Variants in PIEZO2 observed in about 807,000 individuals in gnomAD.
PIEZO2 encodes the protein piezo-type mechanosensitive ion channel component 2.
In PIEZO2, 172 loss-of-function variants were observed where a neutral mutation model predicts 337.3. The ratio of observed to expected loss-of-function variants is 0.51; its 90% CI spans 0.45 to 0.58. The LOEUF is 0.58. Among genes scored for constraint, PIEZO2 ranks in the 20% least tolerant of loss-of-function variants. The pLI is 0.00. For missense variants in PIEZO2, 3,028 were observed against 3,391.3 expected, an observed-to-expected ratio of 0.89 and a Z score of 2.66; for synonymous variants, 1,251 against 1,228.5, an observed-to-expected ratio of 1.02 and a Z score of -0.38.
At position 10,776,585 on chromosome 18, in the gene PIEZO2, AG is replaced by A. The variant is rs1169229235; in HGVS notation, c.2535-2548del. Among the ~76,000 whole-genome samples the A allele has an allele frequency of 9.2e-5, 14 of 152,070 alleles. 1 individual carries two copies. The highest frequency in any genetic ancestry group is 8.3e-4 in the South Asian group (4 of 4,808). ...TAGAAGGCCATTCAGAAGAAAAAAAAGGAGCAAACATTTCTTCATCGGGAAT... is the reference window on the plus strand; with the variant it reads ...TAGAAGGCCATTCAGAAGAAAAAAAAGAGCAAACATTTCTTCATCGGGAAT... On this transcript the variant is annotated intron_variant, in intron 18 of 55. Transcript: ENST00000674853.
In PIEZO2 at chr18:10,847,580, G is replaced by A. The variant is rs190071506; in HGVS notation, c.917+7773C>T. ...GGACACCTCATTGCCCTGGGATCCC[G>A]GTCCCCACTACACCCACGTAGGCCC... On this transcript the variant is annotated intron_variant, in intron 7 of 55. Coordinates refer to ENST00000674853, the MANE Select transcript of PIEZO2 (RefSeq NM_001378183.1). This position sits in a 1 kb window ranked among gnomAD's most constrained non-coding sequence, Gnocchi z 5.7. Among the ~76,000 whole-genome samples, 193 of 152,206 alleles carry A rather than the reference G, an allele frequency of 1.3e-3. No homozygotes were observed. The Middle Eastern group carries it at 0.017, about 14-fold the overall frequency.
At chr18:11,043,543 GGA>G (rs1484119296) in intron 2 of PIEZO2, among the ~76,000 whole-genome samples, 1 of 152,022 alleles carries the variant, frequency 6.6e-6, no homozygotes, top group East Asian at 1.9e-4. Context: ...TTTCTCTGTA[GGA>G]GAGAGAGAGG....
chr18:10,920,969 C>T (rs1201960382), intron 3 of PIEZO2, among the ~76,000 whole-genome samples: 3 of 152,120 alleles, frequency 2.0e-5, no homozygotes, highest in Non-Finnish European at 4.4e-5. Context: ...AGGAGACTCG[C>T]TTGAACCTGG....
chr18:11,056,738 G>A (rs1268166473), intron 2 of PIEZO2, among the ~76,000 whole-genome samples: 2 of 151,954 alleles, frequency 1.3e-5, no homozygotes, highest in African/African-American at 4.8e-5. Flanking sequence ...TCCAGAAATG[G>A]CTCTATGTAC....
chr18:10,770,481 GAC>G (rs1398620296), intron 20 of PIEZO2, among the ~76,000 whole-genome samples, 173 bp from the exon 21 acceptor site: 5 of 152,180 alleles, frequency 3.3e-5, no homozygotes, highest in African/African-American at 1.2e-4. Flanking sequence ...AAGTCATGAT[GAC>G]ACAGATATCA....
chr18:10,746,465 C>T lies in PIEZO2; in HGVS notation c.4424+2006G>A, dbSNP rs2037427042. Among the ~76,000 whole-genome samples the T allele has an allele frequency of 6.6e-6, 1 of 152,206 alleles. No homozygotes were observed. The highest frequency in any genetic ancestry group is 2.1e-4 in the South Asian group (1 of 4,826). On this transcript the variant is annotated intron_variant, in intron 30 of 55. Coordinates refer to ENST00000674853, the MANE Select transcript of PIEZO2 (RefSeq NM_001378183.1). This position sits in a 1 kb window ranked among gnomAD's most constrained non-coding sequence, Gnocchi z 4.2. ...ACTCCTCTTCATCCTTCAGCCTGCACTGGGAATGGAAGGCCACCTGGTTCA... is the reference window on the plus strand; with the variant it reads ...ACTCCTCTTCATCCTTCAGCCTGCATTGGGAATGGAAGGCCACCTGGTTCA...
chr18:10,808,374 G>C (rs1045255560), intron 7 of PIEZO2, among the ~76,000 whole-genome samples: 2 of 145,534 alleles, frequency 1.4e-5, no homozygotes, highest in African/African-American at 5.1e-5. Context: ...TTACAGGTGT[G>C]AACAATTGCA....
Position 10,833,066 on chromosome 18 carries a change from T to A in PIEZO2, c.917+22287A>T, listed in dbSNP as rs1193404246. ...GGTATTTCTCCAGAATATGCCTTGC[T>A]GGCAGCTCTTGGCAGACATGCCATC... On this transcript the variant is annotated intron_variant, in intron 7 of 55. Transcript: ENST00000674853. The surrounding 1 kb of genome is among the most constrained non-coding windows in gnomAD (Gnocchi z 4.7). Among the ~76,000 whole-genome samples the A allele has an allele frequency of 6.6e-6, 1 of 152,188 alleles. No individual in the cohort carries two copies. The highest frequency in any genetic ancestry group is 2.4e-5 in the African/African-American group (1 of 41,446).
Position 11,038,796 on chromosome 18 carries a change from T to C in PIEZO2, c.160+27331A>G, listed in dbSNP as rs1466128958. 6.6e-6 allele frequency among the ~76,000 whole-genome samples: 1 copy of C among 152,208 alleles called. No individual in the cohort carries two copies. Among genetic ancestry groups the C allele is most frequent in the Admixed American group, 6.5e-5 (1 of 15,274 alleles). On this transcript the variant is annotated intron_variant, in intron 2 of 55. Transcript: ENST00000674853. This position sits in a 1 kb window ranked among gnomAD's most constrained non-coding sequence, Gnocchi z 4.1. ...AAATTAGCTCTATACAACCTATAGG[T>C]ATAACGGTGAGACACAAATTAGATA... is the stretch of plus-strand genomic sequence containing the variant.
At position 10,988,317 on chromosome 18, in the gene PIEZO2, G is replaced by A. The variant is rs984817386; in HGVS notation, c.161-8657C>T. On this transcript the variant is annotated intron_variant, in intron 2 of 55. Coordinates refer to ENST00000674853, the MANE Select transcript of PIEZO2 (RefSeq NM_001378183.1). This position sits in a 1 kb window ranked among gnomAD's most constrained non-coding sequence, Gnocchi z 4.8. The stretch of plus-strand genomic sequence containing the variant: ...TGGACTTCCCACCCTCTGGAACTAT[G>A]AGTAATAAATTTCTATTCTTTATAA... 6.6e-6 allele frequency among the ~76,000 whole-genome samples: 1 copy of A among 152,122 alleles called. No homozygotes were observed. The highest frequency in any genetic ancestry group is 1.5e-5 in the Non-Finnish European group (1 of 68,006).
At chr18:10,710,669 C>T (rs916609405) in intron 39 of PIEZO2, among the ~76,000 whole-genome samples, 3 of 152,216 alleles carry the variant, frequency 2.0e-5, no homozygotes, top group African/African-American at 4.8e-5. Flanking sequence ...CCACTGGCCT[C>T]GGAGCAGGGG....
At chr18:11,106,179 C>G in intron 1 of PIEZO2, among the ~76,000 whole-genome samples, 1 of 151,992 alleles carries the variant, frequency 6.6e-6, no homozygotes, top group Middle Eastern at 3.4e-3. Context: ...CTCCGCCTCC[C>G]GGGTTCACGT....
At position 10,746,200 on chromosome 18, in the gene PIEZO2, A is replaced by T. The variant is rs2037415293; in HGVS notation, c.4425-1969T>A. Among the ~76,000 whole-genome samples, 1 of 152,202 alleles carries T rather than the reference A, an allele frequency of 6.6e-6. No homozygotes were observed. Among genetic ancestry groups the T allele is most frequent in the Non-Finnish European group, 1.5e-5 (1 of 68,042 alleles). ...AGAGTGAGCTTCCTGAAATGCAAACACGTCATATTACTTGCTTGTTTAAAC... is the reference window on the plus strand; with the variant it reads ...AGAGTGAGCTTCCTGAAATGCAAACTCGTCATATTACTTGCTTGTTTAAAC... On this transcript the variant is annotated intron_variant, in intron 30 of 55. Coordinates refer to ENST00000674853, the MANE Select transcript of PIEZO2 (RefSeq NM_001378183.1). This position sits in a 1 kb window ranked among gnomAD's most constrained non-coding sequence, Gnocchi z 4.2.
chr18:10,753,722 A>C (rs1263630240), intron 27 of PIEZO2, among the ~76,000 whole-genome samples: 2 of 152,362 alleles, frequency 1.3e-5, no homozygotes, highest in East Asian at 3.9e-4. Context: ...TAATTGCTTA[A>C]TAAAATATGC....
intron 27 of PIEZO2, among the ~76,000 whole-genome samples, chr18:10,754,021 G>A (rs1354174663): frequency 1.3e-5 from 2 of 152,148 alleles, no homozygotes; most frequent in African/African-American, 4.8e-5. Flanking sequence ...GTGGAATTGG[G>A]CTGCTAGCAT....
chr18:10,893,731 AGTT>A (rs2042818373), intron 4 of PIEZO2: 1 of 152,248 alleles, frequency 6.6e-6, no homozygotes, highest in South Asian at 2.1e-4. Context: ...CATTTATTAT[AGTT>A]GTTAAATTTG....
intron 31 of PIEZO2, among the ~76,000 whole-genome samples, chr18:10,743,491 A>C (rs1264234118): frequency 1.3e-5 from 2 of 152,162 alleles, no homozygotes; most frequent in Non-Finnish European, 2.9e-5. Context: ...TCCGGAGTGG[A>C]GTCAGTCTAC....
At chr18:10,800,295 A>G in intron 11 of PIEZO2, 42 bp downstream of exon 11, 2 of 1,505,692 alleles carry the variant, frequency 1.3e-6, no homozygotes, top group East Asian at 2.5e-5. Flanking sequence ...AAGCTTCTAA[A>G]TGAGGAAGAA....
intron 3 of PIEZO2, among the ~76,000 whole-genome samples, chr18:10,970,373 G>A (rs368024463): frequency 1.3e-5 from 2 of 152,202 alleles, no homozygotes; most frequent in African/African-American, 4.8e-5. Flanking sequence ...GCAGCTCTTC[G>A]CCCGTCTAGA....
Sources: allele counts gnomAD v4.1 joint callset (sites outside exome capture counted in the v4.1 genomes callset), GRCh38; gene constraint gnomAD v4.1.1; non-coding constraint Gnocchi (gnomAD v3.1); transcripts MANE v1.5; gene names NCBI Gene and HGNC (gene_info 2026-07-23, HGNC 2026-07-21).